TSPAN18: variants seen among roughly 807,000 people sequenced by gnomAD.
The protein encoded by TSPAN18 is tetraspanin-18.
Under a neutral mutation model 27.3 loss-of-function variants are expected in TSPAN18, and 14 were observed. The observed-to-expected ratio is 0.51, with a 90% CI of 0.34 to 0.80. TSPAN18 has a LOEUF of 0.80. Among genes scored for constraint, TSPAN18 ranks in the 30% least tolerant of loss-of-function variants. The probability of loss-of-function intolerance (pLI) is 0.01; values close to 1 mark genes in which losing one functional copy is unlikely to be tolerated. For synonymous variants in TSPAN18, 143 were observed against 136.5 expected (o/e 1.05, Z -0.33); for missense variants, 268 against 323.9 (o/e 0.83, Z 1.32).
chr11:44,755,504 G>A (rs1290435050), intron 1 of TSPAN18, among the ~76,000 whole-genome samples: 1 of 152,072 alleles, frequency 6.6e-6, no homozygotes, highest in Non-Finnish European at 1.5e-5. Flanking sequence ...CAGCGCTCAG[G>A]TGGCTTCATT....
At chr11:44,838,047 A>T (rs1857298390) in intron 2 of TSPAN18, among the ~76,000 whole-genome samples, 1 of 152,188 alleles carries the variant, frequency 6.6e-6, no homozygotes, top group African/African-American at 2.4e-5. Context: ...GGGTACAAGA[A>T]TAATGCCCCC....
At chr11:44,904,581 G>T (rs929279213) in intron 3 of TSPAN18, among the ~76,000 whole-genome samples, 2 of 152,178 alleles carry the variant, frequency 1.3e-5, no homozygotes, top group African/African-American at 4.8e-5. Context: ...GGCTCTGTCT[G>T]TGCTCCTCTC....
intron 2 of TSPAN18, among the ~76,000 whole-genome samples, chr11:44,831,937 A>C (rs1857163178): frequency 6.6e-6 from 1 of 152,118 alleles, no homozygotes; most frequent in Non-Finnish European, 1.5e-5. Flanking sequence ...AAGAGGTTCT[A>C]AGCAGAGGGT....
intron 1 of TSPAN18, among the ~76,000 whole-genome samples, chr11:44,752,371 GA>G: frequency 6.6e-6 from 1 of 152,076 alleles, no homozygotes; most frequent in Non-Finnish European, 1.5e-5. Flanking sequence ...CAGCTCAGCA[GA>G]ACAACTTTCT....
At chr11:44,920,980 A>G (rs749894965) in intron 8 of TSPAN18, among the ~76,000 whole-genome samples, 9 of 152,328 alleles carry the variant, frequency 5.9e-5, no homozygotes, top group South Asian at 2.1e-4. Context: ...CAGAACTTGC[A>G]AAGTCCCAGA....
chr11:44,809,202 C>T (rs141786458), intron 2 of TSPAN18, among the ~76,000 whole-genome samples: 320 of 152,272 alleles, frequency 2.1e-3, no homozygotes, highest in African/African-American at 7.2e-3. Flanking sequence ...CTGTGCCATT[C>T]TGAGTTCCCC....
At chr11:44,790,873 G>T (rs1321045056) in intron 2 of TSPAN18, among the ~76,000 whole-genome samples, 1 of 152,192 alleles carries the variant, frequency 6.6e-6, no homozygotes. Flanking sequence ...CCAGGACAGG[G>T]TGACGTGGTG....
At chr11:44,768,472 T>G (rs1855618708) in intron 2 of TSPAN18, among the ~76,000 whole-genome samples, 1 of 152,206 alleles carries the variant, frequency 6.6e-6, no homozygotes, top group African/African-American at 2.4e-5. Flanking sequence ...TTAGTATAAT[T>G]GCTTATTTGT....
At chr11:44,905,550 G>C (rs1859424097) in intron 3 of TSPAN18, among the ~76,000 whole-genome samples, 1 of 152,346 alleles carries the variant, frequency 6.6e-6, no homozygotes, top group South Asian at 2.1e-4. Flanking sequence ...AACGAATATG[G>C]AATGTAAACA....
intron 2 of TSPAN18, among the ~76,000 whole-genome samples, chr11:44,788,479 C>G (rs1227167112): frequency 2.4e-5 from 3 of 124,962 alleles, no homozygotes; most frequent in Non-Finnish European, 4.8e-5. Flanking sequence ...TTTTTTTGAG[C>G]CAGAGTCTTG....
chr11:44,871,278 C>G (rs11604664), intron 3 of TSPAN18, among the ~76,000 whole-genome samples: 1 of 152,086 alleles, frequency 6.6e-6, no homozygotes, highest in East Asian at 1.9e-4. Context: ...GGTAGGGTTC[C>G]TGGTGAAGGC....
chr11:44,859,987 C>A (rs1257214321), intron 2 of TSPAN18, among the ~76,000 whole-genome samples: 1 of 152,198 alleles, frequency 6.6e-6, no homozygotes, highest in Non-Finnish European at 1.5e-5. Context: ...CTCAGACACA[C>A]AAATTATGTT....
intron 3 of TSPAN18, among the ~76,000 whole-genome samples, chr11:44,898,189 T>C (rs984614579): frequency 5.3e-5 from 8 of 152,216 alleles, no homozygotes; most frequent in African/African-American, 1.9e-4. Flanking sequence ...AATAAATAAG[T>C]AGCACATAGC....
At chr11:44,765,030 G>A (rs980351515) in intron 2 of TSPAN18, among the ~76,000 whole-genome samples, 3 of 152,148 alleles carry the variant, frequency 2.0e-5, no homozygotes, top group Admixed American at 6.5e-5. Context: ...GGTCTGTTTC[G>A]GAGGCTCTGG....
intron 1 of TSPAN18, among the ~76,000 whole-genome samples, chr11:44,742,045 A>G (rs908379272): frequency 1.3e-5 from 2 of 152,086 alleles, no homozygotes; most frequent in South Asian, 2.1e-4. Flanking sequence ...TGGGATTTTT[A>G]TCTCCATTTT....
chr11:44,876,900 C>T (rs1858348940), intron 3 of TSPAN18, among the ~76,000 whole-genome samples: 1 of 152,160 alleles, frequency 6.6e-6, no homozygotes, highest in African/African-American at 2.4e-5. Flanking sequence ...CAGAGCCAGG[C>T]CACAAGTCCC....
chr11:44,910,963 A>G lies in TSPAN18; in HGVS notation c.258+1064A>G, dbSNP rs186761919. ...AGGGGGCCGACCAGCTCAGCTATAG[A>G]TCACAGCCAAACCAGACAAGCAGTG... On this transcript the variant is annotated intron_variant, in intron 5 of 9. Transcript: ENST00000520358. 1.4e-4 allele frequency among the ~76,000 whole-genome samples: 22 copies of G among 152,328 alleles called. No homozygotes were observed. In the East Asian group the frequency reaches 4.2e-3, roughly 29 times the overall value.
intron 8 of TSPAN18, among the ~76,000 whole-genome samples, chr11:44,924,709 G>A (rs10742733): frequency 0.28 from 41,521 of 147,646 alleles, 8,378 homozygotes; most frequent in African/African-American, 0.57. Flanking sequence ...TGCTGTTATA[G>A]TTCTGCATTT....
At chr11:44,885,114 T>C (rs1202331686) in intron 3 of TSPAN18, among the ~76,000 whole-genome samples, 1 of 152,132 alleles carries the variant, frequency 6.6e-6, no homozygotes, top group Non-Finnish European at 1.5e-5. Context: ...AATCCTAAAA[T>C]AGGTATTATA....
Sources: allele counts gnomAD v4.1 joint callset (sites outside exome capture counted in the v4.1 genomes callset), GRCh38; gene constraint gnomAD v4.1.1; transcripts MANE v1.5; gene names NCBI Gene and HGNC (gene_info 2026-07-23, HGNC 2026-07-21).